Variants in VSX2 observed in about 807,000 individuals in gnomAD.
The protein encoded by VSX2 is ceh-10 homeo domain containing homolog.
VSX2 carries 28 observed loss-of-function variants against 32.1 expected under a neutral mutation model. The observed-to-expected ratio is 0.87, with a 90% CI of 0.65 to 1.20. The LOEUF is 1.20. VSX2 is among the 50% of genes most tolerant of loss of function. VSX2 has a pLI of 0.00. For synonymous variants in VSX2, 243 were observed against 214.1 expected (o/e 1.14, Z -1.18); for missense variants, 506 against 488.7 (o/e 1.04, Z -0.33).
chr14:74,254,341 G>T (rs185702412), intron 3 of VSX2, among the ~76,000 whole-genome samples: 2,617 of 152,186 alleles, frequency 0.017, 82 homozygotes, highest in Admixed American at 0.086. Context: ...AACCCAGGAG[G>T]TGGAGGTCGC....
In VSX2 at chr14:74,261,193, A is replaced by C; in HGVS notation, c.*274A>C. On this transcript the variant is annotated 3_prime_UTR_variant, in exon 5 of 5. Coordinates refer to ENST00000261980, the MANE Select transcript of VSX2 (RefSeq NM_182894.3). ...ACGTCCCCTCAAGCCCCTTCTCTCAATCCCTTTGCAACGCTCACTGGTTTT... is the reference window on the plus strand; with the variant it reads ...ACGTCCCCTCAAGCCCCTTCTCTCACTCCCTTTGCAACGCTCACTGGTTTT... 1 of 501,460 alleles carries C rather than the reference A, an allele frequency of 2.0e-6. No homozygotes were observed. The highest frequency in any genetic ancestry group is 3.6e-6 in the Non-Finnish European group (1 of 279,106). 31.1% of individuals were successfully genotyped at this position (501,460 alleles called of 1,614,324 possible).
At chr14:74,259,026 C>A (rs546766156) in intron 3 of VSX2, among the ~76,000 whole-genome samples, 12 of 152,262 alleles carry the variant, frequency 7.9e-5, no homozygotes, top group Non-Finnish European at 1.8e-4. Flanking sequence ...GGCAGGCTGA[C>A]CCAGGCCTCC....
chr14:74,258,336 G>C (rs1243693459), intron 3 of VSX2, among the ~76,000 whole-genome samples: 2 of 152,084 alleles, frequency 1.3e-5, no homozygotes, highest in Non-Finnish European at 2.9e-5. Flanking sequence ...CTCTTCTTTT[G>C]CCGCCTCCTG....
At chr14:74,245,311 C>T (rs1027968685) in intron 3 of VSX2, 23 bp downstream of exon 3, 3 of 1,613,006 alleles carry the variant, frequency 1.9e-6, no homozygotes, top group Non-Finnish European at 2.5e-6. Context: ...AGCCCCTCTC[C>T]CCTCCACTCT....
In VSX2 at chr14:74,245,297, C is replaced by CCCT. The variant is rs748800493; in HGVS notation, c.579+10_579+11insCTC. ...CGGAAGACAGGATACAGGTAACAGC[C>CCCT]CTGAGCCCCTCTCCCCTCCACTCTC... On this transcript the variant is annotated intron_variant, in intron 3 of 4. Transcript: ENST00000261980. The CCCT allele has an allele frequency of 3.7e-6, 6 of 1,613,170 alleles. No individual in the cohort carries two copies. The highest frequency in any genetic ancestry group is 4.5e-5 in the East Asian group (2 of 44,836).
intron 3 of VSX2, among the ~76,000 whole-genome samples, chr14:74,254,049 C>T (rs1314681130): frequency 6.6e-6 from 1 of 152,252 alleles, no homozygotes; most frequent in African/African-American, 2.4e-5. Flanking sequence ...AGTCCACTCA[C>T]AGGGAGTATG....
intron 3 of VSX2, among the ~76,000 whole-genome samples, chr14:74,257,134 C>T (rs1010894276): frequency 6.6e-6 from 1 of 152,204 alleles, no homozygotes; most frequent in African/African-American, 2.4e-5. Flanking sequence ...GGCACACATC[C>T]TGCAGCACAG....
chr14:74,240,585 C>G lies in VSX2; in HGVS notation c.371-597C>G, dbSNP rs114186669. Reference sequence around the variant, plus strand: ...TGCTTTCCGGGAGGTGTGTCGCGGCCCGCTCGAACCTCCGATTCCTGTTTG... The same window carrying G: ...TGCTTTCCGGGAGGTGTGTCGCGGCGCGCTCGAACCTCCGATTCCTGTTTG... On this transcript the variant is annotated intron_variant, in intron 1 of 4. Transcript: ENST00000261980. 9.3e-3 allele frequency among the ~76,000 whole-genome samples: 1,414 copies of G among 152,294 alleles called. 21 individuals are homozygous for G. The highest frequency in any genetic ancestry group is 0.033 in the African/African-American group (1,353 of 41,550).
chr14:74,245,221 A>G lies in VSX2; in HGVS notation c.512A>G (p.His171Arg). The G allele has an allele frequency of 6.2e-7, 1 of 1,613,694 alleles. No homozygotes were observed. Among genetic ancestry groups the G allele is most frequent in the Non-Finnish European group, 8.5e-7 (1 of 1,179,948 alleles). ...CTGGAGAAGGCATTCAACGAAGCCC[A>G]CTACCCAGACGTCTATGCCCGGGAG... ...EELEKAFNEA[H>R]YPDVYAREML... Residue 171 changes from histidine to arginine, a missense_variant, in exon 3 of 5, where the codon CAC becomes CGC. Transcript: ENST00000261980.
chr14:74,258,375 A>C (rs1204915144), intron 3 of VSX2, among the ~76,000 whole-genome samples: 2 of 152,192 alleles, frequency 1.3e-5, no homozygotes, highest in Non-Finnish European at 2.9e-5. Context: ...TTTCATTAAA[A>C]GCTGATACCT....
rs765063946 is a variant in VSX2, at chr14:74,260,570, C to A, written c.761-24C>A. The A allele has an allele frequency of 2.5e-6, 4 of 1,578,496 alleles. No homozygotes were observed. In the South Asian group the frequency reaches 4.7e-5, roughly 18 times the overall value. ...GGCTTTCCCAGGCGCTTTTCTAAAC[C>A]CGAATACCAACAATTCTTTCTAGGG... On this transcript the variant is annotated intron_variant, in intron 4 of 4. Coordinates refer to ENST00000261980, the MANE Select transcript of VSX2 (RefSeq NM_182894.3).
chr14:74,241,096 G>A, intron 1 of VSX2, 86 bp from the exon 2 acceptor site: 2 of 1,425,802 alleles, frequency 1.4e-6, no homozygotes, highest in Non-Finnish European at 2.0e-6. Context: ...GCTCGCGGAG[G>A]CAGCCCGGGG....
At chr14:74,253,669 G>A (rs892326169) in intron 3 of VSX2, among the ~76,000 whole-genome samples, 3 of 152,220 alleles carry the variant, frequency 2.0e-5, no homozygotes, top group Admixed American at 6.5e-5. Context: ...GGTGGCTCAC[G>A]CCTGTAATCC....
intron 2 of VSX2, among the ~76,000 whole-genome samples, chr14:74,243,722 T>C (rs1447785838): frequency 2.8e-5 from 4 of 144,774 alleles, no homozygotes; most frequent in Non-Finnish European, 1.5e-5. Context: ...CCCCAGAGAA[T>C]AGGAGAAACG....
chr14:74,248,113 C>T (rs2079204208), intron 3 of VSX2, among the ~76,000 whole-genome samples: 1 of 152,012 alleles, frequency 6.6e-6, no homozygotes. Context: ...CCCATCATTT[C>T]CCCTCCACGT....
In VSX2 at chr14:74,239,964, TG is replaced by T. The variant is rs915175795; in HGVS notation, c.370+39del. 3.9e-6 allele frequency: 6 copies of T among 1,544,766 alleles called. No homozygotes were observed. In the Admixed American group the frequency reaches 7.8e-5, roughly 20 times the overall value. ...AGGAGAGGTTGCGCTGCTGCCTGAC[TG>T]GGGGGCGACAGCCGGGAGCCCCGCG... On this transcript the variant is annotated intron_variant, in intron 1 of 4. Coordinates refer to ENST00000261980, the MANE Select transcript of VSX2 (RefSeq NM_182894.3).
chr14:74,259,852 A>G (rs779265358), intron 4 of VSX2, 70 bp downstream of exon 4: 10 of 1,509,334 alleles, frequency 6.6e-6, no homozygotes, highest in Non-Finnish European at 8.9e-6. Flanking sequence ...AGGAGGGGAC[A>G]GAGCCTTGAG....
Position 74,240,147 on chromosome 14 carries a change from C to G in VSX2, c.370+216C>G, listed in dbSNP as rs117554144. Among the ~76,000 whole-genome samples, 496 of 152,314 alleles carry G rather than the reference C, an allele frequency of 3.3e-3. 12 individuals are homozygous for G. In the East Asian group the frequency reaches 0.055, roughly 17 times the overall value. On this transcript the variant is annotated intron_variant, in intron 1 of 4. Coordinates refer to ENST00000261980, the MANE Select transcript of VSX2 (RefSeq NM_182894.3). ...TTCGGCCCCAAGCGTTTCGGGCGGC[C>G]GCGCAGTTCTCCAGTCCCCGCGTCG...
At chr14:74,241,148 C>T in intron 1 of VSX2, 34 bp from the exon 2 acceptor site, 2 of 1,606,220 alleles carry the variant, frequency 1.2e-6, no homozygotes, top group Non-Finnish European at 1.7e-6. Flanking sequence ...GCGCGTCCCC[C>T]ACTCTGCCGC....
Sources: gnomAD v4.1 joint callset for allele counts (sites outside exome capture counted in the v4.1 genomes callset) on GRCh38, gnomAD v4.1.1 for gene constraint, MANE v1.5 for transcripts, NCBI Gene and HGNC (gene_info 2026-07-23, HGNC 2026-07-21) for gene names.